The following THRB variants were observed in gnomAD, a reference collection of about 807,000 sequenced individuals.
The protein encoded by THRB is thyroid hormone receptor beta.
THRB carries 12 observed loss-of-function variants against 47.8 expected under a neutral mutation model. The observed-to-expected ratio is 0.25, with a 90% CI of 0.16 to 0.41. The LOEUF (loss-of-function observed/expected upper bound fraction) is 0.41. Among genes scored for constraint, THRB ranks in the 10% least tolerant of loss-of-function variants. The pLI is 1.00. For synonymous variants in THRB, 218 were observed against 212.2 expected (o/e 1.03, Z -0.24); for missense variants, 348 against 589.2 (o/e 0.59, Z 4.24).
intron 1 of THRB, among the ~76,000 whole-genome samples, chr3:24,384,013 G>A (rs1011672259): frequency 3.3e-5 from 5 of 152,050 alleles, no homozygotes; most frequent in Non-Finnish European, 5.9e-5. Flanking sequence ...TCTTGGTCTC[G>A]ATTTCTACTT....
chr3:24,168,127 C>G (rs2039893577), intron 5 of THRB, among the ~76,000 whole-genome samples: 1 of 152,104 alleles, frequency 6.6e-6, no homozygotes, highest in Non-Finnish European at 1.5e-5. Context: ...ACTCCTCATA[C>G]CAAGTGGGAA....
intron 4 of THRB, among the ~76,000 whole-genome samples, chr3:24,221,832 G>T (rs910382960): frequency 2.0e-5 from 3 of 152,166 alleles, no homozygotes; most frequent in African/African-American, 7.2e-5. Flanking sequence ...GATTTGGTGA[G>T]ATTTTGTTAA....
chr3:24,152,182 C>A (rs531937687), intron 6 of THRB, among the ~76,000 whole-genome samples: 2 of 152,296 alleles, frequency 1.3e-5, no homozygotes, highest in South Asian at 4.1e-4. Flanking sequence ...ACATTACACT[C>A]ATTTAGTTAT....
chr3:24,327,818 C>T (rs187555590), intron 2 of THRB, among the ~76,000 whole-genome samples: 1 of 152,078 alleles, frequency 6.6e-6, no homozygotes, highest in East Asian at 1.9e-4. Context: ...GGAGTGAGCC[C>T]AACAGGCATA....
intron 1 of THRB, among the ~76,000 whole-genome samples, chr3:24,397,727 C>G (rs997572449): frequency 6.6e-6 from 1 of 151,668 alleles, no homozygotes; most frequent in African/African-American, 2.4e-5. Flanking sequence ...AGATTACAGG[C>G]ACCTGCCACC....
At chr3:24,256,801 AAG>A (rs1243429525) in intron 3 of THRB, among the ~76,000 whole-genome samples, 1 of 152,192 alleles carries the variant, frequency 6.6e-6, no homozygotes, top group Non-Finnish European at 1.5e-5. Context: ...AGGGAGGACA[AAG>A]AGATGTTAGA....
chr3:24,266,629 C>T (rs1469672352), intron 3 of THRB, among the ~76,000 whole-genome samples: 2 of 152,192 alleles, frequency 1.3e-5, no homozygotes, highest in South Asian at 4.2e-4. Context: ...TTTAGCACAT[C>T]GAATGGGATT....
At chr3:24,199,514 T>G (rs2149708015) in intron 4 of THRB, among the ~76,000 whole-genome samples, 1 of 152,340 alleles carries the variant, frequency 6.6e-6, no homozygotes, top group East Asian at 1.9e-4. Context: ...TGGGTGAGAT[T>G]TGGGAGCTGT....
intron 3 of THRB, among the ~76,000 whole-genome samples, chr3:24,243,122 C>CA (rs1413401678): frequency 2.7e-5 from 4 of 147,942 alleles, no homozygotes; most frequent in Non-Finnish European, 5.9e-5. Context: ...CACTCCAGGC[C>CA]AATTAGTGTC....
chr3:24,344,990 A>G (rs55945877), intron 1 of THRB, among the ~76,000 whole-genome samples: 1,969 of 152,184 alleles, frequency 0.013, 19 homozygotes, highest in South Asian at 0.025. Context: ...GAAAAAAAAA[A>G]TCTCTTGGCT....
chr3:24,280,923 A>T (rs2054517096), intron 3 of THRB, among the ~76,000 whole-genome samples: 1 of 152,224 alleles, frequency 6.6e-6, no homozygotes, highest in Non-Finnish European at 1.5e-5. Flanking sequence ...GCCTCCAAGA[A>T]ATATGGGACT....
Position 24,456,571 on chromosome 3 carries a change from C to T in THRB, c.-261+38081G>A, listed in dbSNP as rs565256459. 1.7e-4 allele frequency among the ~76,000 whole-genome samples: 26 copies of T among 150,612 alleles called. No individual in the cohort carries two copies. In the South Asian group the frequency reaches 4.4e-3, roughly 25 times the overall value. Reference sequence around the variant, plus strand: ...CTATCTTATACAAGGTAAGTATTATCTTGTATTAAATATTAAAAATATTAA... The same window carrying T: ...CTATCTTATACAAGGTAAGTATTATTTTGTATTAAATATTAAAAATATTAA... On this transcript the variant is annotated intron_variant, in intron 1 of 10. Transcript: ENST00000646209.
chr3:24,407,234 T>A (rs1260027871), intron 1 of THRB, among the ~76,000 whole-genome samples: 1 of 151,798 alleles, frequency 6.6e-6, no homozygotes, highest in Non-Finnish European at 1.5e-5. Flanking sequence ...CCCTCAGGAA[T>A]ACGACCCTTT....
intron 3 of THRB, among the ~76,000 whole-genome samples, chr3:24,293,428 G>T (rs955242482): frequency 1.6e-4 from 24 of 152,244 alleles, no homozygotes; most frequent in African/African-American, 5.8e-4. Flanking sequence ...ATGGTAATCT[G>T]TCATTTTATT....
At chr3:24,266,125 G>C (rs1334807975) in intron 3 of THRB, among the ~76,000 whole-genome samples, 1 of 152,182 alleles carries the variant, frequency 6.6e-6, no homozygotes, top group African/African-American at 2.4e-5. Context: ...GGGTTTTTGA[G>C]ATGACAGGGA....
intron 3 of THRB, among the ~76,000 whole-genome samples, chr3:24,236,312 T>C (rs1378090839): frequency 1.3e-5 from 2 of 152,178 alleles, no homozygotes; most frequent in Non-Finnish European, 2.9e-5. Flanking sequence ...ACAAGTTCCT[T>C]TAACTCTTCA....
At chr3:24,428,390 C>T (rs1393304427) in intron 1 of THRB, among the ~76,000 whole-genome samples, 1 of 151,992 alleles carries the variant, frequency 6.6e-6, no homozygotes, top group Non-Finnish European at 1.5e-5. Flanking sequence ...ACATTGTGCA[C>T]AGAGCTCATA....
intron 6 of THRB, among the ~76,000 whole-genome samples, chr3:24,150,341 A>AACT (rs2036724372): frequency 6.6e-6 from 1 of 152,128 alleles, no homozygotes; most frequent in East Asian, 1.9e-4. Context: ...TCACTTGAAA[A>AACT]ACTCGTTTGT....
At chr3:24,190,025 T>G (rs750976834) in intron 5 of THRB, 49 bp downstream of exon 5, 2 of 1,582,438 alleles carry the variant, frequency 1.3e-6, no homozygotes, top group African/African-American at 2.7e-5. Flanking sequence ...CAGGGATATT[T>G]TTTTTCTTGT....
Sources: allele counts gnomAD v4.1 joint callset (sites outside exome capture counted in the v4.1 genomes callset), GRCh38; gene constraint gnomAD v4.1.1; transcripts MANE v1.5; gene names NCBI Gene and HGNC (gene_info 2026-07-23, HGNC 2026-07-21).